Variants in RORA observed in about 807,000 individuals in gnomAD.
RORA encodes the protein RAR related orphan receptor A, also known as nuclear receptor ROR-alpha.
In RORA, 7 loss-of-function variants were observed where a neutral mutation model predicts 69.5. The observed-to-expected ratio is 0.10, with a 90% confidence interval of 0.06 to 0.19. RORA has a LOEUF of 0.19. RORA is among the 10% of genes least tolerant of loss of function. The pLI is 1.00. For missense variants in RORA, 457 were observed against 663.0 expected (o/e 0.69, Z 3.41); for synonymous variants, 261 against 240.8 (o/e 1.08, Z -0.78).
intron 1 of RORA, among the ~76,000 whole-genome samples, chr15:60,689,013 G>C (rs1248276863): frequency 1.3e-5 from 2 of 152,154 alleles, no homozygotes; most frequent in Non-Finnish European, 2.9e-5. Context: ...TAAATCTCCA[G>C]GAGTTAGTGC....
chr15:61,083,891 T>C (rs2078583086), intron 1 of RORA, among the ~76,000 whole-genome samples: 1 of 152,048 alleles, frequency 6.6e-6, no homozygotes, highest in South Asian at 2.1e-4. Flanking sequence ...TCCTTTCTGG[T>C]TGGCTTCAGA....
chr15:61,228,774 G>C (rs2080172284), intron 1 of RORA, among the ~76,000 whole-genome samples: 1 of 151,972 alleles, frequency 6.6e-6, no homozygotes. Context: ...AGTGTTTGCA[G>C]AAAAATCAAA....
intron 1 of RORA, among the ~76,000 whole-genome samples, chr15:60,916,373 G>A (rs149447888): frequency 4.6e-5 from 7 of 152,286 alleles, no homozygotes; most frequent in Non-Finnish European, 7.3e-5. Context: ...TATGACAAAC[G>A]TGCAGACAGT....
chr15:61,118,266 C>T (rs1223307440), intron 1 of RORA, among the ~76,000 whole-genome samples: 1 of 152,142 alleles, frequency 6.6e-6, no homozygotes, highest in Non-Finnish European at 1.5e-5. Context: ...AGCCTTCAGG[C>T]CTGCCCTGTC....
chr15:60,648,974 T>A (rs1419346853), intron 2 of RORA, among the ~76,000 whole-genome samples: 1 of 152,196 alleles, frequency 6.6e-6, no homozygotes, highest in Non-Finnish European at 1.5e-5. Flanking sequence ...TTTCTCAATC[T>A]ATATCCCACT....
At chr15:60,859,168 C>G (rs2306500) in intron 1 of RORA, among the ~76,000 whole-genome samples, 44,423 of 151,928 alleles carry the variant, frequency 0.29, 6,775 homozygotes, top group African/African-American at 0.32. Flanking sequence ...GTTCAGGGCT[C>G]CCACAGGATC....
At chr15:60,844,708 C>T (rs1421288336) in intron 1 of RORA, among the ~76,000 whole-genome samples, 1 of 152,158 alleles carries the variant, frequency 6.6e-6, no homozygotes, top group Non-Finnish European at 1.5e-5. Context: ...TTAAATCTAA[C>T]CACATCAACT....
At chr15:60,923,629 G>T (rs1892115269) in intron 1 of RORA, among the ~76,000 whole-genome samples, 2 of 152,316 alleles carry the variant, frequency 1.3e-5, no homozygotes, top group South Asian at 4.1e-4. Context: ...TTACTGCTTT[G>T]CTGTGTTGAT....
chr15:61,053,432 T>C (rs1431353055), intron 1 of RORA, among the ~76,000 whole-genome samples: 1 of 152,076 alleles, frequency 6.6e-6, no homozygotes, highest in African/African-American at 2.4e-5. Flanking sequence ...AGGTAACCCC[T>C]TGGGCAGCAG....
intron 1 of RORA, among the ~76,000 whole-genome samples, chr15:61,107,748 A>C (rs2078965408): frequency 6.6e-6 from 1 of 151,972 alleles, no homozygotes; most frequent in Non-Finnish European, 1.5e-5. Context: ...ACATTAGAAA[A>C]TGCTTCTTTT....
chr15:60,755,839 T>G (rs567492043), intron 1 of RORA, among the ~76,000 whole-genome samples: 1 of 152,186 alleles, frequency 6.6e-6, no homozygotes, highest in African/African-American at 2.4e-5. Context: ...CTCTCCTCCA[T>G]GCAAATCATG....
intron 1 of RORA, among the ~76,000 whole-genome samples, chr15:60,911,522 T>C (rs936393569): frequency 2.6e-5 from 4 of 152,156 alleles, no homozygotes; most frequent in Non-Finnish European, 4.4e-5. Flanking sequence ...ATCCCTTCCC[T>C]TAAGGTTTTA....
rs1453278611 is a variant in RORA, at chr15:60,492,949, G to A, written c.*4506C>T. On this transcript the variant is annotated 3_prime_UTR_variant, in exon 11 of 11. Coordinates refer to ENST00000335670, the MANE Select transcript of RORA (RefSeq NM_134261.3). ...ATAATAAAAAACACAATTTGTCCCA[G>A]TAGTACTGGCCACCCTGTTTTAAGA... The A allele has an allele frequency of 1.3e-5, 2 of 152,048 alleles. No individual in the cohort carries two copies. The highest frequency in any genetic ancestry group is 4.8e-5 in the African/African-American group (2 of 41,388). 9.4% of individuals were successfully genotyped at this position (152,048 alleles called of 1,614,324 possible).
At chr15:61,088,195 G>A (rs140117312) in intron 1 of RORA, among the ~76,000 whole-genome samples, 1,877 of 152,300 alleles carry the variant, frequency 0.012, 22 homozygotes, top group Admixed American at 0.02. Flanking sequence ...AACAGAGCTC[G>A]AGAACAGACC....
intron 1 of RORA, among the ~76,000 whole-genome samples, chr15:60,760,844 GCAGA>G (rs1298316276): frequency 1.3e-5 from 2 of 151,458 alleles, no homozygotes; most frequent in Admixed American, 1.3e-4. Flanking sequence ...GTCTATACAT[GCAGA>G]CAGACACACA....
At chr15:60,961,661 G>T (rs77182709) in intron 1 of RORA, among the ~76,000 whole-genome samples, 2,503 of 152,296 alleles carry the variant, frequency 0.016, 52 homozygotes, top group African/African-American at 0.057. Context: ...AGGAAGAGGG[G>T]AAAGAAGCCA....
chr15:61,033,336 C>A (rs1896273814), intron 1 of RORA, among the ~76,000 whole-genome samples: 1 of 152,044 alleles, frequency 6.6e-6, no homozygotes, highest in Non-Finnish European at 1.5e-5. Context: ...ACTAATTCTC[C>A]CCAACAATGC....
intron 1 of RORA, among the ~76,000 whole-genome samples, chr15:60,862,346 G>A (rs1472374156): frequency 6.6e-6 from 1 of 152,234 alleles, no homozygotes; most frequent in Non-Finnish European, 1.5e-5. Flanking sequence ...TCTTAGCTTA[G>A]ATGTATAGAT....
chr15:60,895,194 T>C (rs1322537732), intron 1 of RORA, among the ~76,000 whole-genome samples: 3 of 152,208 alleles, frequency 2.0e-5, no homozygotes, highest in African/African-American at 7.2e-5. Flanking sequence ...TCCAGGTCCT[T>C]GATACCCGGA....
Sources: allele counts gnomAD v4.1 joint callset (sites outside exome capture counted in the v4.1 genomes callset), GRCh38; gene constraint gnomAD v4.1.1; transcripts MANE v1.5; gene names NCBI Gene and HGNC (gene_info 2026-07-23, HGNC 2026-07-21).